The following SNTG1 variants were observed in gnomAD, a reference collection of about 807,000 sequenced individuals.
SNTG1 encodes syntrophin gamma 1.
A neutral mutation model predicts 74.7 loss-of-function variants in SNTG1; 39 were observed. The observed-to-expected ratio is 0.52, with a 90% CI of 0.40 to 0.68. SNTG1 has a LOEUF of 0.68. Among genes scored for constraint, SNTG1 ranks in the 30% least tolerant of loss-of-function variants. The pLI, the probability that SNTG1 is intolerant of heterozygous loss-of-function variation, is 0.00. For missense variants in SNTG1, 685 were observed against 609.5 expected, an observed-to-expected ratio of 1.12 and a Z score of -1.30; for synonymous variants, 254 against 217.1, an observed-to-expected ratio of 1.17 and a Z score of -1.49.
At chr8:50,553,591 T>C in intron 12 of SNTG1, among the ~76,000 whole-genome samples, 1 of 152,140 alleles carries the variant, frequency 6.6e-6, no homozygotes, top group East Asian at 1.9e-4. Context: ...GCATAGAGAC[T>C]GAAGGGAACA....
At chr8:50,709,212 T>A in intron 17 of SNTG1, 1 of 529,020 alleles carries the variant, frequency 1.9e-6, no homozygotes. Context: ...TATTTATAAG[T>A]CTATCTATGT....
intron 13 of SNTG1, among the ~76,000 whole-genome samples, chr8:50,617,903 T>C (rs931921182): frequency 6.6e-6 from 1 of 152,188 alleles, no homozygotes; most frequent in Admixed American, 6.5e-5. Context: ...TGTCTGCTTG[T>C]GGATTTCATT....
chr8:50,494,957 T>C (rs922656005), intron 8 of SNTG1, among the ~76,000 whole-genome samples: 5 of 152,136 alleles, frequency 3.3e-5, no homozygotes, highest in Admixed American at 1.3e-4. Context: ...TTAGTTTCAC[T>C]AAGATTTGTT....
chr8:50,654,404 C>T (rs924513563), intron 13 of SNTG1, among the ~76,000 whole-genome samples: 1 of 151,990 alleles, frequency 6.6e-6, no homozygotes, highest in Admixed American at 6.6e-5. Flanking sequence ...ATTTATTTGT[C>T]TAATTTCTAA....
At chr8:50,028,610 G>A (rs1817477855) in intron 1 of SNTG1, among the ~76,000 whole-genome samples, 1 of 150,228 alleles carries the variant, frequency 6.7e-6, no homozygotes, top group African/African-American at 2.4e-5. Flanking sequence ...GGAGGGGGGA[G>A]GGATAGCATT....
chr8:50,242,046 CATAG>C (rs936946049), intron 2 of SNTG1, among the ~76,000 whole-genome samples: 24 of 151,814 alleles, frequency 1.6e-4, no homozygotes, highest in South Asian at 4.2e-4. Flanking sequence ...TAGATAGATA[CATAG>C]ATAGATAGAC....
intron 1 of SNTG1, among the ~76,000 whole-genome samples, chr8:49,938,586 T>TCTTTC (rs1808327676): frequency 2.6e-5 from 1 of 39,204 alleles, no homozygotes; most frequent in African/African-American, 7.7e-5. Context: ...TCTTTTCTTT[T>TCTTTC]CTTTTCTTTT....
intron 1 of SNTG1, among the ~76,000 whole-genome samples, chr8:50,156,828 G>A (rs1287381855): frequency 2.0e-5 from 3 of 152,020 alleles, no homozygotes; most frequent in Non-Finnish European, 2.9e-5. Context: ...GGGCTACCAC[G>A]TCACACCCAC....
intron 2 of SNTG1, among the ~76,000 whole-genome samples, chr8:50,356,644 ATC>A (rs980704321): frequency 2.0e-5 from 3 of 152,032 alleles, no homozygotes; most frequent in Non-Finnish European, 2.9e-5. Context: ...AAAAGGGACA[ATC>A]TCTCTTTTTC....
At chr8:49,970,992 A>G (rs1317462814) in intron 1 of SNTG1, among the ~76,000 whole-genome samples, 3 of 152,194 alleles carry the variant, frequency 2.0e-5, no homozygotes, top group African/African-American at 7.2e-5. Context: ...CAATAGAAAA[A>G]GAGGGAATCC....
At chr8:50,574,067 C>G (rs948398759) in intron 12 of SNTG1, among the ~76,000 whole-genome samples, 4 of 151,988 alleles carry the variant, frequency 2.6e-5, no homozygotes, top group Non-Finnish European at 1.5e-5. Flanking sequence ...TGTAACATCT[C>G]AACCCATTTA....
intron 18 of SNTG1, among the ~76,000 whole-genome samples, chr8:50,790,332 T>C (rs1432017421): frequency 1.3e-5 from 2 of 151,986 alleles, no homozygotes; most frequent in Non-Finnish European, 2.9e-5. Flanking sequence ...ATTTGGTATT[T>C]TATTGAATGG....
At chr8:50,614,328 C>T (rs2094871903) in intron 13 of SNTG1, among the ~76,000 whole-genome samples, 1 of 151,886 alleles carries the variant, frequency 6.6e-6, no homozygotes. Context: ...CAATATTAAG[C>T]TTGAAATAGT....
intron 10 of SNTG1, among the ~76,000 whole-genome samples, chr8:50,536,075 T>A (rs925077381): frequency 2.0e-5 from 3 of 152,198 alleles, no homozygotes; most frequent in Non-Finnish European, 4.4e-5. Flanking sequence ...TGTGTAATTT[T>A]AAGCCAGCAG....
chr8:50,410,524 T>C lies in SNTG1; in HGVS notation c.162+8180T>C, dbSNP rs138913289. On this transcript the variant is annotated intron_variant, in intron 4 of 18. Coordinates refer to ENST00000642720, the MANE Select transcript of SNTG1 (RefSeq NM_018967.5). ...TATTCAAGGTGTATAATATGATGAC[T>C]TGATAGATATATATACATACACATT... 5.5e-3 allele frequency among the ~76,000 whole-genome samples: 836 copies of C among 152,350 alleles called. 7 individuals are homozygous for C. Among genetic ancestry groups the C allele is most frequent in the African/African-American group, 0.019 (770 of 41,578 alleles).
intron 9 of SNTG1, among the ~76,000 whole-genome samples, chr8:50,503,128 T>C (rs1334859653): frequency 6.6e-6 from 1 of 152,184 alleles, no homozygotes; most frequent in Admixed American, 6.5e-5. Flanking sequence ...GTTTTAAAAA[T>C]AGGCATATCA....
intron 1 of SNTG1, among the ~76,000 whole-genome samples, chr8:50,027,041 T>C (rs1817327621): frequency 6.6e-6 from 1 of 152,138 alleles, no homozygotes; most frequent in African/African-American, 2.4e-5. Flanking sequence ...GGCCACCCAC[T>C]TCTAGCCTCC....
intron 2 of SNTG1, among the ~76,000 whole-genome samples, chr8:50,285,248 G>A (rs1050377056): frequency 3.3e-5 from 5 of 152,068 alleles, no homozygotes; most frequent in African/African-American, 7.2e-5. Flanking sequence ...AGCCAATCCT[G>A]TATCTGCCCA....
chr8:50,377,082 A>T (rs1449036529), intron 2 of SNTG1, among the ~76,000 whole-genome samples: 1 of 152,096 alleles, frequency 6.6e-6, no homozygotes. Context: ...TAATAAGCAC[A>T]TAGAAAGGAG....
Sources: allele counts gnomAD v4.1 joint callset (sites outside exome capture counted in the v4.1 genomes callset), GRCh38; gene constraint gnomAD v4.1.1; transcripts MANE v1.5; gene names NCBI Gene and HGNC (gene_info 2026-07-23, HGNC 2026-07-21).